The following EVC variants were observed in gnomAD, a reference collection of about 807,000 sequenced individuals.
EVC encodes EvC ciliary complex subunit 1.
Under a neutral mutation model 118.9 loss-of-function variants are expected in EVC, and 116 were observed. The ratio of observed to expected loss-of-function variants is 0.98; its 90% CI spans 0.84 to 1.14. The LOEUF (loss-of-function observed/expected upper bound fraction) is 1.14, where lower values mean the gene tolerates loss of function less well. Among genes scored for constraint, EVC ranks in the 50% most tolerant of loss-of-function variants. EVC has a pLI of 0.00. For missense variants in EVC, 1,401 were observed against 1,246.4 expected (o/e 1.12, Z -1.87); for synonymous variants, 619 against 534.7 (o/e 1.16, Z -2.18).
At chr4:5,815,074 C>A (rs1407267811), downstream of EVC, among the ~76,000 whole-genome samples, 1 of 152,226 alleles carries the variant, frequency 6.6e-6, no homozygotes, top group Non-Finnish European at 1.5e-5. Context: ...CCAGGCCTCC[C>A]TAGTGTCACC....
intron 14 of EVC, 160 bp downstream of exon 14, chr4:5,797,392 C>G (rs927099515): frequency 1.0e-5 from 7 of 680,616 alleles, no homozygotes; most frequent in Admixed American, 4.2e-5. Context: ...TCCCACAGAC[C>G]GGGCAGCTTA....
chr4:5,754,069 C>T lies in EVC; in HGVS notation c.1464+136C>T, dbSNP rs957313912. 4.4e-6 allele frequency: 5 copies of T among 1,145,572 alleles called. No homozygotes were observed. In the East Asian group the frequency reaches 1.0e-4, roughly 23 times the overall value. 71.0% of individuals were successfully genotyped at this position (1,145,572 alleles called of 1,614,324 possible). A position where few individuals can be genotyped will look rare whatever the true frequency, so the allele number is the denominator to read the frequency against. On this transcript the variant is annotated intron_variant, in intron 10 of 20. Transcript: ENST00000264956. This position sits in a 1 kb window ranked among gnomAD's most constrained non-coding sequence, Gnocchi z 5.8. ...ACTTCCCATGTGTCAGCCGAGTGAC[C>T]GAATCTCAGTCCCTTAGCCCCTACA...
intron 1 of EVC, among the ~76,000 whole-genome samples, chr4:5,712,169 G>T (rs562861295): frequency 1.1e-3 from 160 of 152,332 alleles, no homozygotes; most frequent in Non-Finnish European, 2.0e-3. Flanking sequence ...CGCATGGGGA[G>T]TCTGCGATGG....
At chr4:5,821,537 G>A in the EVC span, 6 of 550,966 alleles carry the variant, frequency 1.1e-5, no homozygotes, top group Admixed American at 3.0e-5. This position sits in a 1 kb window ranked among gnomAD's most constrained non-coding sequence, Gnocchi z 4.4. Context: ...ACCATGCTCC[G>A]AGGTGGATTC....
intron 2 of EVC, among the ~76,000 whole-genome samples, chr4:5,726,580 T>TTC: frequency 6.7e-6 from 1 of 150,128 alleles, no homozygotes; most frequent in Non-Finnish European, 1.5e-5. Flanking sequence ...TTTTTTTTTT[T>TTC]TTTATTATAC....
intron 17 of EVC, among the ~76,000 whole-genome samples, chr4:5,806,517 A>T (rs1292880177): frequency 6.6e-6 from 1 of 152,174 alleles, no homozygotes; most frequent in Non-Finnish European, 1.5e-5. Context: ...TGTAAAAGAC[A>T]TGATTTCATT....
the EVC span, among the ~76,000 whole-genome samples, chr4:5,827,587 CAG>C: frequency 1.3e-3 from 198 of 152,264 alleles, 1 homozygote; most frequent in African/African-American, 4.4e-3. Flanking sequence ...GCCACACACA[CAG>C]AGCTCACCAC....
At chr4:5,801,405 G>A (rs528053279) in intron 15 of EVC, among the ~76,000 whole-genome samples, 4 of 152,238 alleles carry the variant, frequency 2.6e-5, no homozygotes, top group African/African-American at 9.6e-5. Flanking sequence ...TCGGCCGGGC[G>A]TGGTGGCTCA....
At chr4:5,761,434 G>T (rs1376047895) in intron 11 of EVC, among the ~76,000 whole-genome samples, 1 of 135,976 alleles carries the variant, frequency 7.4e-6, no homozygotes, top group Admixed American at 8.6e-5. Flanking sequence ...CACAGACTTG[G>T]CTGTTTTTTC....
At chr4:5,785,672 G>A (rs538754430) in intron 12 of EVC, among the ~76,000 whole-genome samples, 1 of 152,292 alleles carries the variant, frequency 6.6e-6, no homozygotes, top group Middle Eastern at 3.4e-3. Context: ...GTTCCTTGAG[G>A]ACGGCAACCC....
Position 5,752,705 on chromosome 4 carries a change from C to T in EVC, c.1099-131C>T, listed in dbSNP as rs952956603. 1.2e-4 allele frequency: 106 copies of T among 912,876 alleles called. No individual in the cohort carries two copies. The African/African-American group carries it at 1.7e-3, about 14-fold the overall frequency. The allele number at this position is 912,876 out of a possible 1,614,324, so 56.5% of individuals were successfully genotyped here. A position where few individuals can be genotyped will look rare whatever the true frequency, so the allele number is the denominator to read the frequency against. On this transcript the variant is annotated intron_variant, in intron 8 of 20. Transcript: ENST00000264956. ...TCATGAAGGAGAGGGGGAGTTCATC[C>T]CTCTGAGCTCCGCTCTCCCAGGCAG...
Position 5,798,980 on chromosome 4 carries a change from C to T in EVC, c.2304+188C>T, listed in dbSNP as rs569254733. Among the ~76,000 whole-genome samples the T allele has an allele frequency of 1.3e-5, 2 of 152,132 alleles. No homozygotes were observed. Among genetic ancestry groups the T allele is most frequent in the African/African-American group, 2.4e-5 (1 of 41,434 alleles). On this transcript the variant is annotated intron_variant, in intron 15 of 20. Transcript: ENST00000264956. This position sits in a 1 kb window ranked among gnomAD's most constrained non-coding sequence, Gnocchi z 4.1. ...TTCTCCCTCGCAGAATGGGGAGGGGCAGTCGCAGCAGATCACCGGTTCTCC... is the reference window on the plus strand; with the variant it reads ...TTCTCCCTCGCAGAATGGGGAGGGGTAGTCGCAGCAGATCACCGGTTCTCC...
chr4:5,783,666 G>T lies in EVC; in HGVS notation c.1678G>T (p.Glu560Ter), dbSNP rs764397417. The change falls in exon 12 of 21, where the codon GAA (glutamate) becomes TAA (stop). Residue 560 changes from glutamate to a stop codon, truncating the protein, a stop_gained. Coordinates refer to ENST00000264956, the MANE Select transcript of EVC (RefSeq NM_153717.3). LOFTEE classifies it high-confidence loss of function. ...PPEECDYLRQ[E>*]VQENAAWQLG... Reference sequence around the variant, plus strand: ...GGAAGAGTGTGACTACTTGAGGCAGGAAGTCCAGGAGAACGCTGCCTGGCA... The same window carrying T: ...GGAAGAGTGTGACTACTTGAGGCAGTAAGTCCAGGAGAACGCTGCCTGGCA... 4 of 1,614,180 alleles carry T rather than the reference G, an allele frequency of 2.5e-6. No individual in the cohort carries two copies. The Admixed American group carries it at 5.0e-5, about 20-fold the overall frequency.
At chr4:5,794,279 TTATA>T (rs1189237082) in intron 13 of EVC, among the ~76,000 whole-genome samples, 11 of 137,742 alleles carry the variant, frequency 8.0e-5, no homozygotes, top group African/African-American at 2.2e-4. Context: ...TTATATATAT[TTATA>T]TATATTTTTA....
intron 5 of EVC, among the ~76,000 whole-genome samples, chr4:5,733,691 C>T (rs1043132844): frequency 1.3e-5 from 2 of 152,090 alleles, no homozygotes; most frequent in African/African-American, 2.4e-5. Flanking sequence ...TGCCTCCTCC[C>T]GGGCTACACC....
At chr4:5,774,643 G>A (rs534495110) in intron 11 of EVC, among the ~76,000 whole-genome samples, 5 of 152,200 alleles carry the variant, frequency 3.3e-5, no homozygotes, top group African/African-American at 1.2e-4. Context: ...AGAGGAGACA[G>A]CTGAGTGAAG....
At chr4:5,784,747 A>G (rs1322783754) in intron 12 of EVC, among the ~76,000 whole-genome samples, 1 of 150,794 alleles carries the variant, frequency 6.6e-6, no homozygotes, top group Non-Finnish European at 1.5e-5. Context: ...AGCTGGGATT[A>G]CAGGCACGTG....
At chr4:5,790,369 C>G (rs531072014) in intron 12 of EVC, among the ~76,000 whole-genome samples, 151 of 152,250 alleles carry the variant, frequency 9.9e-4, no homozygotes, top group Non-Finnish European at 1.7e-3. Flanking sequence ...ACAGCATCCA[C>G]CAGAACTGAA....
At chr4:5,726,826 G>A (rs1403162014) in intron 2 of EVC, among the ~76,000 whole-genome samples, 2 of 148,604 alleles carry the variant, frequency 1.3e-5, no homozygotes, top group Non-Finnish European at 3.0e-5. Flanking sequence ...GCGGTGTTTG[G>A]TTTTTTGTTC....
Sources: gnomAD v4.1 joint callset for allele counts (sites outside exome capture counted in the v4.1 genomes callset) on GRCh38, gnomAD v4.1.1 for gene constraint, Gnocchi (gnomAD v3.1) non-coding constraint, MANE v1.5 for transcripts, NCBI Gene and HGNC (gene_info 2026-07-23, HGNC 2026-07-21) for gene names.